TRAM2: variants seen among roughly 807,000 people sequenced by gnomAD.
TRAM2 encodes translocation associated membrane protein 2, also known as translocating chain-associated membrane protein 2.
TRAM2 carries 12 observed loss-of-function variants against 51.0 expected under a neutral mutation model. The ratio of observed to expected loss-of-function variants is 0.24; its 90% CI spans 0.15 to 0.38. TRAM2 has a LOEUF of 0.38. Ranked by LOEUF, TRAM2 falls within the 10% of genes least tolerant of loss-of-function variation. The probability of loss-of-function intolerance (pLI) is 1.00; values close to 1 mark genes in which losing one functional copy is unlikely to be tolerated. For synonymous variants in TRAM2, 175 were observed against 179.4 expected (o/e 0.98, Z 0.20); for missense variants, 361 against 462.0 (o/e 0.78, Z 2.00).
chr6:52,539,772 G>C (rs1767045042), intron 1 of TRAM2, among the ~76,000 whole-genome samples: 2 of 152,192 alleles, frequency 1.3e-5, no homozygotes, highest in Non-Finnish European at 2.9e-5. Flanking sequence ...GCAGGAGAGA[G>C]TCGGTGCTGT....
chr6:52,568,043 C>T (rs935772518), intron 1 of TRAM2, among the ~76,000 whole-genome samples: 2 of 152,230 alleles, frequency 1.3e-5, no homozygotes, highest in Admixed American at 1.3e-4. Context: ...CACAACCAGG[C>T]CGCCGGACAT....
In TRAM2 at chr6:52,575,628, A is replaced by AC. The variant is rs528782644; in HGVS notation, c.120+1167dup. 6.6e-5 allele frequency among the ~76,000 whole-genome samples: 10 copies of AC among 152,326 alleles called. No homozygotes were observed. The South Asian group carries it at 2.1e-3, about 32-fold the overall frequency. ...CTTGTCATTCGTAGAGATACAGGGA[A>AC]CCCGAGACAGAGGGACAGGGAAGGA... On this transcript the variant is annotated intron_variant, in intron 1 of 10. Transcript: ENST00000182527.
chr6:52,503,442 G>T (rs561247514), intron 10 of TRAM2, among the ~76,000 whole-genome samples, 172 bp from the exon 11 acceptor site: 1 of 152,268 alleles, frequency 6.6e-6, no homozygotes, highest in Non-Finnish European at 1.5e-5. Flanking sequence ...GCCAGCAGAC[G>T]GCTCCCAGGA....
chr6:52,507,663 C>G, intron 6 of TRAM2, 40 bp from the exon 7 acceptor site: 2 of 1,602,428 alleles, frequency 1.2e-6, no homozygotes, highest in Non-Finnish European at 1.7e-6. Flanking sequence ...TGCTAATTCC[C>G]TAACTGAAGA....
At chr6:52,533,678 A>G (rs1390332041) in intron 2 of TRAM2, among the ~76,000 whole-genome samples, 2 of 152,196 alleles carry the variant, frequency 1.3e-5, no homozygotes, top group South Asian at 2.1e-4. Context: ...ATTCATGGCT[A>G]TATCCTCCAT....
chr6:52,554,575 AACCCAAAAGCTG>A (rs1330545031), intron 1 of TRAM2, among the ~76,000 whole-genome samples: 1 of 151,782 alleles, frequency 6.6e-6, no homozygotes, highest in Non-Finnish European at 1.5e-5. Flanking sequence ...ATCTCACCCA[AACCCAAAAGCTG>A]ACTGGGTAAC....
At chr6:52,536,275 GT>G (rs1333258995) in intron 1 of TRAM2, among the ~76,000 whole-genome samples, 3 of 152,252 alleles carry the variant, frequency 2.0e-5, no homozygotes, top group African/African-American at 7.2e-5. Flanking sequence ...TTGGCTGCCT[GT>G]GCATTGGAGA....
At chr6:52,548,706 T>G (rs1043591259) in intron 1 of TRAM2, among the ~76,000 whole-genome samples, 2 of 152,252 alleles carry the variant, frequency 1.3e-5, no homozygotes, top group African/African-American at 4.8e-5. Flanking sequence ...CCATGCTACC[T>G]GAACGATGTG....
chr6:52,559,382 T>G (rs1011339694), intron 1 of TRAM2, among the ~76,000 whole-genome samples: 1 of 152,186 alleles, frequency 6.6e-6, no homozygotes, highest in African/African-American at 2.4e-5. Context: ...CTCTTTAAAA[T>G]AGAGTAAAGG....
At chr6:52,534,026 A>G (rs1766935812) in intron 2 of TRAM2, among the ~76,000 whole-genome samples, 1 of 151,490 alleles carries the variant, frequency 6.6e-6, no homozygotes, top group South Asian at 2.1e-4. Flanking sequence ...TGGAGGTTAC[A>G]GTGAGCCAAG....
chr6:52,509,627 G>A lies in TRAM2; in HGVS notation c.412-41C>T, dbSNP rs201206068. On this transcript the variant is annotated intron_variant, in intron 4 of 10. Coordinates refer to ENST00000182527, the MANE Select transcript of TRAM2 (RefSeq NM_012288.4). ...AGAGAGACCATTTAGAGATGTGGAC[G>A]TGAGACCTGCTGGGGCCCTGGGACC... The A allele has an allele frequency of 3.1e-6, 5 of 1,602,778 alleles. No individual in the cohort carries two copies. In the African/African-American group the frequency reaches 4.0e-5, roughly 13 times the overall value.
chr6:52,504,379 G>A (rs1766301381), intron 10 of TRAM2, among the ~76,000 whole-genome samples: 1 of 152,206 alleles, frequency 6.6e-6, no homozygotes, highest in African/African-American at 2.4e-5. Context: ...AGCCTAGTTA[G>A]GGCCAGCCCC....
At position 52,504,770 on chromosome 6, in the gene TRAM2, T is replaced by C. The variant is rs372886042; in HGVS notation, c.876-16A>G. ...CACGCAGAGCCTGCAGAGCAGGGGG[T>C]TAGGGGCTTAGGCTGGGGCTTGGGC... On this transcript the variant is annotated splice_polypyrimidine_tract_variant and intron_variant, in intron 9 of 10. Coordinates refer to ENST00000182527, the MANE Select transcript of TRAM2 (RefSeq NM_012288.4). 1.3e-6 allele frequency: 2 copies of C among 1,582,894 alleles called. No homozygotes were observed. The highest frequency in any genetic ancestry group is 1.7e-6 in the Non-Finnish European group (2 of 1,168,028).
At chr6:52,534,562 G>GCACAGCCTTCAGAC (rs1766947504) in intron 2 of TRAM2, among the ~76,000 whole-genome samples, 1 of 152,182 alleles carries the variant, frequency 6.6e-6, no homozygotes, top group Admixed American at 6.5e-5. Context: ...GTGCCCGAGG[G>GCACAGCCTTCAGAC]CTGGACTCAG....
At chr6:52,518,052 C>T (rs1216689232) in intron 2 of TRAM2, among the ~76,000 whole-genome samples, 1 of 152,206 alleles carries the variant, frequency 6.6e-6, no homozygotes, top group African/African-American at 2.4e-5. Context: ...AGACACCACC[C>T]CCGGTTGGAA....
At chr6:52,531,120 C>CAAAA (rs35821052) in intron 2 of TRAM2, among the ~76,000 whole-genome samples, 16,384 of 95,812 alleles carry the variant, frequency 0.17, 1,746 homozygotes, top group East Asian at 0.46. Flanking sequence ...CCTGGTTATG[C>CAAAA]AAAAAAAAAA....
chr6:52,559,053 G>A (rs1767455190), intron 1 of TRAM2, among the ~76,000 whole-genome samples: 1 of 152,220 alleles, frequency 6.6e-6, no homozygotes, highest in Admixed American at 6.5e-5. Context: ...TCTGTGGAAT[G>A]TTACTATACA....
Position 52,560,944 on chromosome 6 carries a change from C to T in TRAM2, c.120+15852G>A, listed in dbSNP as rs138494840. Among the ~76,000 whole-genome samples, 523 of 152,316 alleles carry T rather than the reference C, an allele frequency of 3.4e-3. 1 individual carries two copies. The highest frequency in any genetic ancestry group is 0.017 in the Middle Eastern group (5 of 294). On this transcript the variant is annotated intron_variant, in intron 1 of 10. Transcript: ENST00000182527. The stretch of plus-strand genomic sequence containing the variant: ...CGACATCCACACAAAAACTTGCACA[C>T]GCGTGTTCAGAGCAGCATTATTCAT...
intron 7 of TRAM2, among the ~76,000 whole-genome samples, chr6:52,507,311 CTG>C (rs1402368853): frequency 1.3e-5 from 2 of 152,344 alleles, no homozygotes; most frequent in African/African-American, 4.8e-5. Flanking sequence ...ATGATACATA[CTG>C]TGTTATGGTG....
Sources: allele counts gnomAD v4.1 joint callset (sites outside exome capture counted in the v4.1 genomes callset), GRCh38; gene constraint gnomAD v4.1.1; transcripts MANE v1.5; gene names NCBI Gene and HGNC (gene_info 2026-07-23, HGNC 2026-07-21).